The following HTRA4 variants were observed in gnomAD, a reference collection of about 807,000 sequenced individuals.
HTRA4 encodes HtrA serine peptidase 4.
A neutral mutation model predicts 49.1 loss-of-function variants in HTRA4; 46 were observed. The ratio of observed to expected loss-of-function variants is 0.94; its 90% CI spans 0.74 to 1.20. The LOEUF (loss-of-function observed/expected upper bound fraction) is 1.20. Ranked by LOEUF, HTRA4 falls within the 50% of genes most tolerant of loss-of-function variation. The probability of loss-of-function intolerance (pLI) is 0.00; values close to 1 mark genes in which losing one functional copy is unlikely to be tolerated. For synonymous variants in HTRA4, 261 were observed against 264.0 expected (o/e 0.99, Z 0.11); for missense variants, 602 against 636.9 (o/e 0.95, Z 0.59).
At chr8:38,977,889 A>G in intron 3 of HTRA4, 64 bp from the exon 4 acceptor site, 1 of 1,554,822 alleles carries the variant, frequency 6.4e-7, no homozygotes, top group Non-Finnish European at 8.8e-7. Flanking sequence ...CACTTTGGTC[A>G]ATTCTGATCG....
In HTRA4 at chr8:38,988,659, A is replaced by T. The variant is rs987635889; in HGVS notation, c.*561A>T. 1.3e-5 allele frequency: 2 copies of T among 152,206 alleles called. No individual in the cohort carries two copies. Among genetic ancestry groups the T allele is most frequent in the Admixed American group, 1.3e-4 (2 of 15,270 alleles). The allele number at this position is 152,206 out of a possible 1,614,324, so 9.4% of individuals were successfully genotyped here. On this transcript the variant is annotated 3_prime_UTR_variant, in exon 9 of 9. Transcript: ENST00000302495. Reference sequence around the variant, plus strand: ...ACTTAAAAATAAAAATAAAAAGAAAAATGGTAATGTTGTGAGATTACAATT... The same window carrying T: ...ACTTAAAAATAAAAATAAAAAGAAATATGGTAATGTTGTGAGATTACAATT...
At chr8:38,986,036 T>C (rs867808441) in intron 8 of HTRA4, among the ~76,000 whole-genome samples, 1 of 152,190 alleles carries the variant, frequency 6.6e-6, no homozygotes, top group South Asian at 2.1e-4. Context: ...CAGCTGGGTG[T>C]GGTGGCAGGT....
chr8:38,975,000 G>C lies in HTRA4; in HGVS notation c.467-31G>C, dbSNP rs377504064. ...AGGATAGCAGGTCTGGTTCCCTCGA[G>C]GCGTACTCTTGAGCCAGTATTTTTT... is the stretch of plus-strand genomic sequence containing the variant. On this transcript the variant is annotated intron_variant, in intron 1 of 8. Coordinates refer to ENST00000302495, the MANE Select transcript of HTRA4 (RefSeq NM_153692.4). 6 of 1,609,968 alleles carry C rather than the reference G, an allele frequency of 3.7e-6. No individual in the cohort carries two copies. The African/African-American group carries it at 8.0e-5, about 22-fold the overall frequency.
chr8:38,982,589 T>A, intron 7 of HTRA4, 34 bp downstream of exon 7: 1 of 1,604,836 alleles, frequency 6.2e-7, no homozygotes, highest in Non-Finnish European at 8.5e-7. Context: ...TGGGTTGTTT[T>A]TCAGAGGCAA....
intron 5 of HTRA4, among the ~76,000 whole-genome samples, chr8:38,981,421 T>G (rs1238067255): frequency 6.7e-6 from 1 of 150,102 alleles, no homozygotes; most frequent in Non-Finnish European, 1.5e-5. Context: ...CCTTGATCCT[T>G]TGGCCATGAA....
chr8:38,981,830 C>T (rs1835428260), intron 6 of HTRA4, 63 bp downstream of exon 6: 1 of 1,171,112 alleles, frequency 8.5e-7, no homozygotes, highest in Non-Finnish European at 1.3e-6. Flanking sequence ...AACACTCAAT[C>T]TTTTGTGGTG....
chr8:38,984,065 A>G (rs923656093), intron 8 of HTRA4, among the ~76,000 whole-genome samples: 5 of 151,746 alleles, frequency 3.3e-5, no homozygotes, highest in African/African-American at 9.7e-5. Flanking sequence ...CAGTGGTGCA[A>G]TCTTGGCTCA....
intron 2 of HTRA4, among the ~76,000 whole-genome samples, chr8:38,975,954 C>T (rs918599296): frequency 2.0e-5 from 3 of 152,172 alleles, no homozygotes; most frequent in Non-Finnish European, 4.4e-5. Flanking sequence ...AACCCATGGG[C>T]TGCTACACTA....
rs1835376041 is a variant in HTRA4, at chr8:38,978,134, A to C, written c.953A>C (p.Asp318Ala). 1 of 1,613,370 alleles carries C rather than the reference A, an allele frequency of 6.2e-7. No individual in the cohort carries two copies. Among genetic ancestry groups the C allele is most frequent in the East Asian group, 2.2e-5 (1 of 44,874 alleles). Reference protein sequence around the residue: ...KDSDMDYVQIDATINYGNSGG... With the variant: ...KDSDMDYVQIAATINYGNSGG... ...TCAGATATGGACTACGTCCAGATTG[A>C]TGCCACAATTAATGTAAGTCACTTA... Residue 318 changes from aspartate to alanine, a missense_variant, in exon 4 of 9, where the codon GAT (aspartate) becomes GCT (alanine). Coordinates refer to ENST00000302495, the MANE Select transcript of HTRA4 (RefSeq NM_153692.4).
chr8:38,974,821 C>T, intron 1 of HTRA4, 92 bp downstream of exon 1: 2 of 1,264,742 alleles, frequency 1.6e-6, no homozygotes, highest in East Asian at 5.0e-5. Flanking sequence ...CAGTTCGCGC[C>T]TGGTCCTCCT....
chr8:38,983,490 T>C (rs1167042663), intron 8 of HTRA4, among the ~76,000 whole-genome samples: 1 of 151,890 alleles, frequency 6.6e-6, no homozygotes, highest in African/African-American at 2.4e-5. Flanking sequence ...CACGCCACTG[T>C]ACTCCAGTCT....
chr8:38,974,620 C>T lies in HTRA4; in HGVS notation c.357C>T (p.Asp119=). The T allele has an allele frequency of 1.4e-6, 2 of 1,427,618 alleles. No homozygotes were observed. The highest frequency in any genetic ancestry group is 9.1e-7 in the Non-Finnish European group (1 of 1,097,858). 88.4% of individuals were successfully genotyped at this position (1,427,618 alleles called of 1,614,324 possible). ...PTLGGAVCGS[D]RRTYPSMCAL... is the part of the protein sequence containing the mutation. ...TGGGAGGGGCCGTGTGCGGCAGCGACAGGCGCACCTACCCCAGCATGTGCG... is the reference window on the plus strand; with the variant it reads ...TGGGAGGGGCCGTGTGCGGCAGCGATAGGCGCACCTACCCCAGCATGTGCG... The change falls in exon 1 of 9, where the codon GAC becomes GAT. Residue 119 remains aspartate (D), a synonymous_variant. Transcript: ENST00000302495.
chr8:38,977,864 T>C, intron 3 of HTRA4, 89 bp from the exon 4 acceptor site: 1 of 1,327,484 alleles, frequency 7.5e-7, no homozygotes, highest in Non-Finnish European at 1.1e-6. Flanking sequence ...CAGCGTCATA[T>C]ATGTGTTAGA....
At position 38,975,044 on chromosome 8, in the gene HTRA4, A is replaced by G. The variant is rs1164136833; in HGVS notation, c.480A>G (p.Ala160=). The change falls in exon 2 of 9, where the codon GCA becomes GCG. Residue 160 remains alanine, a synonymous_variant. Coordinates refer to ENST00000302495, the MANE Select transcript of HTRA4 (RefSeq NM_153692.4). The stretch of plus-strand genomic sequence containing the variant: ...ATTTTTTCATAGGGACCAGAAGCGC[A>G]GGCCCGCTCAGGAGGAATTACAACT... ...GNCGDTGTRS[A]GPLRRNYNFI... 1.2e-6 allele frequency: 2 copies of G among 1,614,112 alleles called. No homozygotes were observed. Among genetic ancestry groups the G allele is most frequent in the Non-Finnish European group, 1.7e-6 (2 of 1,180,012 alleles).
chr8:38,986,386 G>A (rs913162615), intron 8 of HTRA4, among the ~76,000 whole-genome samples: 9 of 152,050 alleles, frequency 5.9e-5, no homozygotes, highest in East Asian at 1.9e-4. Context: ...GGGTTCAAGC[G>A]ATTCTTCTGC....
chr8:38,977,750 T>C (rs6474514), intron 3 of HTRA4, among the ~76,000 whole-genome samples: 65,591 of 151,986 alleles, frequency 0.43, 14,771 homozygotes, highest in East Asian at 0.79. Context: ...ATCTTAACAC[T>C]CAAGAGCTTC....
chr8:38,982,453 C>T, intron 6 of HTRA4, 45 bp from the exon 7 acceptor site: 1 of 1,545,828 alleles, frequency 6.5e-7, no homozygotes, highest in Non-Finnish European at 8.9e-7. Flanking sequence ...GCTGCGCTAA[C>T]AGGAAAGAGG....
intron 3 of HTRA4, 99 bp downstream of exon 3, chr8:38,976,838 C>T: frequency 1.8e-6 from 2 of 1,119,248 alleles, no homozygotes; most frequent in Non-Finnish European, 2.6e-6. Flanking sequence ...CACATCTTTT[C>T]TGTTGAATAT....
chr8:38,988,263 A>G lies in HTRA4; in HGVS notation c.*165A>G. On this transcript the variant is annotated 3_prime_UTR_variant, in exon 9 of 9. Coordinates refer to ENST00000302495, the MANE Select transcript of HTRA4 (RefSeq NM_153692.4). ...ATGCCCATCAATGACAGACTGGATAAAGCAAATGTGGTACATATACACCAT... is the reference window on the plus strand; with the variant it reads ...ATGCCCATCAATGACAGACTGGATAGAGCAAATGTGGTACATATACACCAT... 1 of 606,054 alleles carries G rather than the reference A, an allele frequency of 1.7e-6. No homozygotes were observed. Among genetic ancestry groups the G allele is most frequent in the Non-Finnish European group, 2.8e-6 (1 of 357,560 alleles). The allele number at this position is 606,054 out of a possible 1,614,324, so 37.5% of individuals were successfully genotyped here. A position where few individuals can be genotyped will look rare whatever the true frequency, so the allele number is the denominator to read the frequency against.
Sources: allele counts gnomAD v4.1 joint callset (sites outside exome capture counted in the v4.1 genomes callset), GRCh38; gene constraint gnomAD v4.1.1; transcripts MANE v1.5; gene names NCBI Gene and HGNC (gene_info 2026-07-23, HGNC 2026-07-21).